The following MERTK variants were observed in gnomAD, a reference collection of about 807,000 sequenced individuals.
MERTK encodes MER proto-oncogene, tyrosine kinase, also known as tyrosine-protein kinase Mer.
Under a neutral mutation model 99.3 loss-of-function variants are expected in MERTK, and 69 were observed. The observed-to-expected ratio is 0.70, with a 90% CI of 0.57 to 0.85. The LOEUF (loss-of-function observed/expected upper bound fraction) is 0.85, where lower values mean the gene tolerates loss of function less well. Among genes scored for constraint, MERTK ranks in the 40% least tolerant of loss-of-function variants. MERTK has a pLI of 0.00. For missense variants in MERTK, 1,125 were observed against 1,249.4 expected, an observed-to-expected ratio of 0.90 and a Z score of 1.50; for synonymous variants, 426 against 467.6, an observed-to-expected ratio of 0.91 and a Z score of 1.15.
chr2:111,976,643 A>T (rs889496457), intron 7 of MERTK, among the ~76,000 whole-genome samples: 5 of 151,948 alleles, frequency 3.3e-5, no homozygotes, highest in Non-Finnish European at 5.9e-5. Context: ...TTAAAATGTA[A>T]TCGAATCATT....
At chr2:111,949,322 C>T (rs1685014750) in intron 4 of MERTK, among the ~76,000 whole-genome samples, 3 of 152,118 alleles carry the variant, frequency 2.0e-5, no homozygotes, top group Admixed American at 1.3e-4. Context: ...CTGCCAGTGG[C>T]TGAAAAGGTA....
chr2:111,905,336 T>C (rs191937703), intron 1 of MERTK, among the ~76,000 whole-genome samples: 42 of 151,948 alleles, frequency 2.8e-4, no homozygotes, highest in African/African-American at 9.9e-4. Context: ...CCTGGGCTGC[T>C]ATGGCCAGGT....
chr2:111,898,782 C>A lies in MERTK; in HGVS notation c.47C>A (p.Ala16Glu). Residue 16 changes from alanine (A) to glutamate (E), a missense_variant, in exon 1 of 19, where the codon GCG becomes GAG. By Grantham distance (107) the Ala-to-Glu change is moderately radical (BLOSUM62 -1). Coordinates refer to ENST00000295408, the MANE Select transcript of MERTK (RefSeq NM_006343.3). Reference sequence around the variant, plus strand: ...CTGCTGCTGGGCCTCTTCCTCCCCGCGCTCTGGCGTAGAGGTGAGTGCGCC... The same window carrying A: ...CTGCTGCTGGGCCTCTTCCTCCCCGAGCTCTGGCGTAGAGGTGAGTGCGCC... ...LPLLLGLFLP[A>E]LWRRAITEAR... 1 of 1,598,184 alleles carries A rather than the reference C, an allele frequency of 6.3e-7. No individual in the cohort carries two copies. The highest frequency in any genetic ancestry group is 8.5e-7 in the Non-Finnish European group (1 of 1,173,212).
At chr2:111,956,077 C>G (rs1300332856) in intron 4 of MERTK, among the ~76,000 whole-genome samples, 1 of 151,874 alleles carries the variant, frequency 6.6e-6, no homozygotes, top group Non-Finnish European at 1.5e-5. Flanking sequence ...TGTAACAAAC[C>G]TGCACATTGT....
chr2:111,953,533 C>T (rs1174469882), intron 4 of MERTK, among the ~76,000 whole-genome samples: 1 of 152,094 alleles, frequency 6.6e-6, no homozygotes, highest in Non-Finnish European at 1.5e-5. Context: ...ATTCTTCTCT[C>T]TCGCCCATCC....
At chr2:111,923,429 C>G (rs1456663374) in intron 1 of MERTK, among the ~76,000 whole-genome samples, 1 of 152,192 alleles carries the variant, frequency 6.6e-6, no homozygotes, top group African/African-American at 2.4e-5. Context: ...CTGCACCACA[C>G]AAGTCCAGGA....
At chr2:111,966,890 C>T (rs1292809315) in intron 5 of MERTK, among the ~76,000 whole-genome samples, 4 of 152,186 alleles carry the variant, frequency 2.6e-5, no homozygotes, top group African/African-American at 9.7e-5. Context: ...CTTCCTCCTT[C>T]TCTCCTGCTC....
chr2:111,955,991 A>G (rs546216716), intron 4 of MERTK, among the ~76,000 whole-genome samples: 31 of 138,028 alleles, frequency 2.2e-4, no homozygotes, highest in Admixed American at 1.2e-3. Context: ...GGGGGGAGGG[A>G]TAGCATTAGG....
chr2:111,982,422 G>A (rs930659053), intron 7 of MERTK, among the ~76,000 whole-genome samples: 2 of 151,328 alleles, frequency 1.3e-5, no homozygotes, highest in Non-Finnish European at 2.9e-5. Flanking sequence ...TGCTTTTTCT[G>A]CCCAGGCTGA....
chr2:111,968,187 A>G lies in MERTK; in HGVS notation c.895A>G (p.Ser299Gly). ...CAGCATCCGTAACAGCACTGCACAC[A>G]GCATTCTGATCTCCTGGGTTCCTGG... is the stretch of plus-strand genomic sequence containing the variant. Reference protein sequence around the residue: ...EVSIRNSTAHSILISWVPGFD... With the variant: ...EVSIRNSTAHGILISWVPGFD... The change falls in exon 6 of 19, where the codon AGC becomes GGC. Residue 299 changes from serine to glycine, a missense_variant. Transcript: ENST00000295408. 2 of 1,614,140 alleles carry G rather than the reference A, an allele frequency of 1.2e-6. No individual in the cohort carries two copies. Among genetic ancestry groups the G allele is most frequent in the South Asian group, 2.2e-5 (2 of 91,072 alleles).
intron 2 of MERTK, chr2:111,940,160 TA>T (rs1419103693): frequency 6.0e-6 from 1 of 167,774 alleles, no homozygotes; most frequent in Non-Finnish European, 1.3e-5. Context: ...GTAATGGTGG[TA>T]AACCTCTAGA....
chr2:111,961,192 T>A (rs1436411321), intron 4 of MERTK, among the ~76,000 whole-genome samples: 1 of 146,386 alleles, frequency 6.8e-6, no homozygotes, highest in Non-Finnish European at 1.5e-5. Flanking sequence ...GATGGAGTCT[T>A]GCTCTGTCGC....
At chr2:111,940,337 T>G in intron 2 of MERTK, 1 of 513,894 alleles carries the variant, frequency 1.9e-6, no homozygotes, top group Non-Finnish European at 3.9e-6. Flanking sequence ...TGGTCTGTCC[T>G]TGCATCAGCA....
intron 4 of MERTK, among the ~76,000 whole-genome samples, chr2:111,956,947 C>CTTT (rs71385850): frequency 7.3e-6 from 1 of 137,168 alleles, no homozygotes; most frequent in Non-Finnish European, 1.6e-5. Flanking sequence ...TTTCTTTTTT[C>CTTT]TTTTTTTTTT....
chr2:111,965,422 C>T, intron 5 of MERTK, 145 bp downstream of exon 5: 2 of 777,652 alleles, frequency 2.6e-6, no homozygotes, highest in Non-Finnish European at 4.5e-6. Context: ...CACTTCTCCT[C>T]TTTGGTGTCA....
rs771194337 is a variant in MERTK, at chr2:112,028,623, A to G, written c.2759A>G (p.His920Arg). The G allele has an allele frequency of 4.3e-6, 7 of 1,614,232 alleles. No homozygotes were observed. Among genetic ancestry groups the G allele is most frequent in the African/African-American group, 1.3e-5 (1 of 75,050 alleles). The change falls in exon 19 of 19, where the codon CAT becomes CGT. Residue 920 changes from histidine to arginine, a missense_variant. Coordinates refer to ENST00000295408, the MANE Select transcript of MERTK (RefSeq NM_006343.3). ...AAISVVTAEVHDSKPHEGRYI... is the reference protein window; with the variant it reads ...AAISVVTAEVRDSKPHEGRYI... ...ATCAGTGTGGTCACAGCAGAAGTTC[A>G]TGACAGCAAACCTCATGAAGGACGG... is the stretch of plus-strand genomic sequence containing the variant.
At chr2:112,017,628 G>T (rs913239750) in intron 15 of MERTK, among the ~76,000 whole-genome samples, 1 of 105,332 alleles carries the variant, frequency 9.5e-6, no homozygotes, top group East Asian at 2.1e-4. Context: ...GCACGACTTC[G>T]TCTCAAAAAA....
intron 11 of MERTK, among the ~76,000 whole-genome samples, chr2:112,002,887 C>T (rs1003357371): frequency 5.3e-5 from 8 of 152,104 alleles, no homozygotes; most frequent in Non-Finnish European, 5.9e-5. Flanking sequence ...GCACAAGAAT[C>T]GCTTGAACCC....
intron 1 of MERTK, among the ~76,000 whole-genome samples, chr2:111,925,854 A>G (rs1684557038): frequency 1.3e-5 from 2 of 149,732 alleles, no homozygotes; most frequent in South Asian, 4.2e-4. Context: ...TTTTTCTGAG[A>G]CAGAGTCTCG....
Sources: gnomAD v4.1 joint callset for allele counts (sites outside exome capture counted in the v4.1 genomes callset) on GRCh38, gnomAD v4.1.1 for gene constraint, MANE v1.5 for transcripts, NCBI Gene and HGNC (gene_info 2026-07-23, HGNC 2026-07-21) for gene names.